The following WNK3 variants were observed in gnomAD, a reference collection of about 807,000 sequenced individuals.
WNK3 encodes the protein WNK lysine deficient protein kinase 3, also known as serine/threonine-protein kinase WNK3.
In WNK3, 18 loss-of-function variants were observed where a neutral mutation model predicts 116.7. The ratio of observed to expected loss-of-function variants is 0.15; its 90% CI spans 0.11 to 0.23. The LOEUF (loss-of-function observed/expected upper bound fraction) is 0.23, where lower values mean the gene tolerates loss of function less well. Ranked by LOEUF, WNK3 falls within the 10% of genes least tolerant of loss-of-function variation. The pLI, the probability that WNK3 is intolerant of heterozygous loss-of-function variation, is 1.00. For missense variants in WNK3, 993 were observed against 1,323.8 expected, an observed-to-expected ratio of 0.75 and a Z score of 3.88; for synonymous variants, 404 against 469.4, an observed-to-expected ratio of 0.86 and a Z score of 1.80.
At chrX:54,336,399 T>C (rs1557175389) in intron 1 of WNK3, among the ~76,000 whole-genome samples, 1 of 109,638 alleles carries the variant, frequency 9.1e-6, no homozygotes, top group African/African-American at 3.3e-5. Flanking sequence ...AGAATATTTT[T>C]TCCAACAAAT....
intron 1 of WNK3, among the ~76,000 whole-genome samples, chrX:54,340,560 G>A (rs1023219864): frequency 1.8e-5 from 2 of 110,204 alleles, no homozygotes; most frequent in African/African-American, 6.6e-5. Context: ...GCAGTAAGCT[G>A]AGATCGCACC....
rs782463346 is a variant in WNK3 at position 54,294,860 on chromosome X, C to T, written c.1399-13G>A. 2 of 1,142,778 alleles carry T rather than the reference C, an allele frequency of 1.8e-6. No homozygotes were observed. The highest frequency in any genetic ancestry group is 1.8e-5 in the African/African-American group (1 of 55,042). 94.2% of individuals were successfully genotyped at this position (1,142,778 alleles called of 1,213,427 possible). On this transcript the variant is annotated splice_polypyrimidine_tract_variant and intron_variant, in intron 7 of 23. Coordinates refer to ENST00000354646, the Ensembl canonical transcript of WNK3. Reference sequence around the variant, plus strand: ...ACCCAGACTTGACCTACAAACAAAACATAATAAGCAAACTACTTCTTTAAC... The same window carrying T: ...ACCCAGACTTGACCTACAAACAAAATATAATAAGCAAACTACTTCTTTAAC...
exon 3 of WNK3, chrX:54,311,220 G>A (rs781938206): frequency 1.7e-6 from 2 of 1,200,658 alleles, no homozygotes; most frequent in East Asian, 3.0e-5. Flanking sequence ...CTATATTGGG[G>A]TGCTGGAGAC....
intron 7 of WNK3, among the ~76,000 whole-genome samples, chrX:54,297,747 C>T (rs1445519662): frequency 1.8e-5 from 2 of 110,722 alleles, no homozygotes; most frequent in South Asian, 3.8e-4. Flanking sequence ...ACTGTCACAG[C>T]GATATAGTTC....
chrX:54,332,248 C>T (rs1219674661), intron 2 of WNK3, among the ~76,000 whole-genome samples: 1 of 111,929 alleles, frequency 8.9e-6, no homozygotes, highest in Non-Finnish European at 1.9e-5. Context: ...CATTTCTAAA[C>T]ACATTCTAGC....
intron 1 of WNK3, among the ~76,000 whole-genome samples, chrX:54,341,322 AG>A (rs1230327733): frequency 2.7e-5 from 3 of 110,279 alleles, no homozygotes; most frequent in African/African-American, 9.9e-5. Flanking sequence ...GCTTGAACCC[AG>A]GGGGCAGAGG....
intron 10 of WNK3, among the ~76,000 whole-genome samples, chrX:54,270,885 A>G (rs782753868): frequency 1.1e-4 from 12 of 111,071 alleles, no homozygotes; most frequent in Admixed American, 2.9e-4. Context: ...TTCCAGTTTC[A>G]TCCATGTCCC....
chrX:54,197,701 C>G (rs1272548349), exon 24 of WNK3: 3 of 104,462 alleles, frequency 2.9e-5, no homozygotes, highest in Non-Finnish European at 5.9e-5. Context: ...GCACTCCAAC[C>G]TGGGTGACAG....
intron 11 of WNK3, among the ~76,000 whole-genome samples, chrX:54,257,483 G>A (rs1351283072): frequency 2.7e-5 from 3 of 110,967 alleles, no homozygotes; most frequent in African/African-American, 9.8e-5. Flanking sequence ...AAACAAGGGC[G>A]ACTGCTTGCT....
chrX:54,232,846 C>G, exon 21 of WNK3: 2 of 1,211,355 alleles, frequency 1.7e-6, no homozygotes, highest in Non-Finnish European at 1.1e-6. Context: ...GTGTCAAGGA[C>G]TGGGGGCGGC....
intron 23 of WNK3, among the ~76,000 whole-genome samples, chrX:54,199,489 A>C (rs1475081024): frequency 9.0e-6 from 1 of 111,682 alleles, no homozygotes; most frequent in East Asian, 2.8e-4. Flanking sequence ...TTTTTCAAAA[A>C]ACAAGTCTGA....
At chrX:54,292,514 G>C (rs1259663527) in intron 10 of WNK3, among the ~76,000 whole-genome samples, 2 of 109,953 alleles carry the variant, frequency 1.8e-5, no homozygotes, top group Non-Finnish European at 3.8e-5. Flanking sequence ...AGACCAACCT[G>C]ACCAACATGG....
At chrX:54,285,697 C>T (rs2147084887) in intron 10 of WNK3, among the ~76,000 whole-genome samples, 1 of 112,309 alleles carries the variant, frequency 8.9e-6, no homozygotes, top group Non-Finnish European at 1.9e-5. Flanking sequence ...ACAATATTTA[C>T]TATCTAGGCC....
chrX:54,218,593 AAAAG>A (rs1331597794), intron 22 of WNK3, among the ~76,000 whole-genome samples: 2 of 109,985 alleles, frequency 1.8e-5, no homozygotes, highest in East Asian at 5.6e-4. Flanking sequence ...AAAAGAAAAG[AAAAG>A]AAAGAGGCCG....
At chrX:54,333,948 T>C (rs1305141543) in intron 1 of WNK3, among the ~76,000 whole-genome samples, 156 bp from the exon 2 acceptor site, 1 of 111,903 alleles carries the variant, frequency 8.9e-6, no homozygotes, top group African/African-American at 3.2e-5. Flanking sequence ...AGGGACTGTG[T>C]CTTATCTTGT....
intron 1 of WNK3, among the ~76,000 whole-genome samples, chrX:54,339,980 T>A (rs1224634666): frequency 2.7e-5 from 3 of 110,680 alleles, no homozygotes; most frequent in African/African-American, 9.8e-5. Context: ...TGAAAACCCA[T>A]CTCTACTAAA....
intron 2 of WNK3, among the ~76,000 whole-genome samples, chrX:54,330,331 C>T (rs781887429): frequency 9.0e-6 from 1 of 111,170 alleles, no homozygotes; most frequent in South Asian, 3.8e-4. Context: ...CGAGATTGTG[C>T]CACTGCACTC....
chrX:54,346,163 T>A (rs2069423625), intron 1 of WNK3, among the ~76,000 whole-genome samples: 1 of 104,679 alleles, frequency 9.6e-6, no homozygotes, highest in African/African-American at 3.5e-5. Context: ...ATAAATGTTC[T>A]GGGAACAAGA....
chrX:54,224,221 A>G (rs193031579), intron 22 of WNK3, among the ~76,000 whole-genome samples: 1 of 110,136 alleles, frequency 9.1e-6, no homozygotes, highest in Non-Finnish European at 1.9e-5. Flanking sequence ...GTGTGGTGGC[A>G]CATGCCTGTA....
Sources: allele counts gnomAD v4.1 joint callset (sites outside exome capture counted in the v4.1 genomes callset), GRCh38; gene constraint gnomAD v4.1.1; transcripts MANE v1.5; gene names NCBI Gene and HGNC (gene_info 2026-07-23, HGNC 2026-07-21).